GM2A: variants seen among roughly 807,000 people sequenced by gnomAD.
GM2A encodes GM2 ganglioside activator.
A neutral mutation model predicts 12.9 loss-of-function variants in GM2A; 7 were observed. The ratio of observed to expected loss-of-function variants is 0.54; its 90% CI spans 0.31 to 1.02. The LOEUF is 1.02. Ranked by LOEUF, GM2A falls within the 50% of genes least tolerant of loss-of-function variation. GM2A has a pLI of 0.05. For missense variants in GM2A, 246 were observed against 241.0 expected, an observed-to-expected ratio of 1.02 and a Z score of -0.14; for synonymous variants, 101 against 96.0, an observed-to-expected ratio of 1.05 and a Z score of -0.30.
At chr5:151,264,980 T>C (rs763805595) in intron 2 of GM2A, among the ~76,000 whole-genome samples, 2 of 146,200 alleles carry the variant, frequency 1.4e-5, no homozygotes, top group Admixed American at 6.8e-5. Flanking sequence ...AGACTCTGTC[T>C]CAAAAAAAAA....
intron 2 of GM2A, among the ~76,000 whole-genome samples, chr5:151,263,192 A>C (rs1292665068): frequency 1.4e-5 from 2 of 144,950 alleles, no homozygotes; most frequent in Non-Finnish European, 3.0e-5. Flanking sequence ...TCCCGGTTTC[A>C]AGGGATTCTC....
chr5:151,256,170 G>C (rs149686672), intron 1 of GM2A, among the ~76,000 whole-genome samples: 110 of 152,284 alleles, frequency 7.2e-4, no homozygotes, highest in Non-Finnish European at 5.4e-4. Flanking sequence ...CTAGCCCCAT[G>C]CTAGTCATAT....
chr5:151,265,027 AG>A (rs1753859493), intron 2 of GM2A, among the ~76,000 whole-genome samples: 1 of 152,006 alleles, frequency 6.6e-6, no homozygotes, highest in Admixed American at 6.6e-5. Context: ...AGAGAGATTA[AG>A]TAACTCACCC....
chr5:151,264,521 A>G (rs1197436301), intron 2 of GM2A, among the ~76,000 whole-genome samples: 1 of 152,174 alleles, frequency 6.6e-6, no homozygotes, highest in African/African-American at 2.4e-5. Flanking sequence ...AAACATTTTC[A>G]TTAGGGTATT....
chr5:151,256,724 A>G (rs760295209), intron 1 of GM2A, among the ~76,000 whole-genome samples: 1 of 152,160 alleles, frequency 6.6e-6, no homozygotes, highest in Non-Finnish European at 1.5e-5. Context: ...AGAAACCAAC[A>G]TTAGTACATT....
At chr5:151,264,109 G>A (rs183313555) in intron 2 of GM2A, among the ~76,000 whole-genome samples, 1 of 152,198 alleles carries the variant, frequency 6.6e-6, no homozygotes, top group African/African-American at 2.4e-5. Context: ...ACTGTAAATT[G>A]TCACTGTATT....
Position 151,266,890 on chromosome 5 carries a change from C to A in GM2A, c.403C>A (p.Pro135Thr). ...AGAGCCCCTGCGTACCTATGGGCTTCCTTGCCACTGTCCCTTCAAAGAAGT... is the reference window on the plus strand; with the variant it reads ...AGAGCCCCTGCGTACCTATGGGCTTACTTGCCACTGTCCCTTCAAAGAAGT... ...CPEPLRTYGLPCHCPFKEGTY... is the reference protein window; with the variant it reads ...CPEPLRTYGLTCHCPFKEGTY... Residue 135 changes from proline to threonine, a missense_variant, in exon 3 of 4, where the codon CCT becomes ACT. Pro to Thr is a conservative substitution (Grantham distance 38). Coordinates refer to ENST00000357164, the MANE Select transcript of GM2A (RefSeq NM_000405.5). 1 of 1,613,574 alleles carries A rather than the reference C, an allele frequency of 6.2e-7. No homozygotes were observed. The highest frequency in any genetic ancestry group is 8.5e-7 in the Non-Finnish European group (1 of 1,179,546).
chr5:151,268,015 G>A lies in GM2A; in HGVS notation c.*564G>A, dbSNP rs1753928073. ...GCAGTGTATCCTGGAGAGGTAGGGTGTGTGGGGGAGGAATCCCTTGGGGGA... is the reference window on the plus strand; with the variant it reads ...GCAGTGTATCCTGGAGAGGTAGGGTATGTGGGGGAGGAATCCCTTGGGGGA... On this transcript the variant is annotated 3_prime_UTR_variant, in exon 4 of 4. Transcript: ENST00000357164. 9.5e-7 allele frequency: 1 copy of A among 1,055,004 alleles called. No individual in the cohort carries two copies. Among genetic ancestry groups the A allele is most frequent in the Non-Finnish European group, 1.1e-6 (1 of 872,408 alleles). 65.4% of individuals were successfully genotyped at this position (1,055,004 alleles called of 1,614,324 possible).
At position 151,267,314 on chromosome 5, in the gene GM2A, A is replaced by C. The variant is rs1267776933; in HGVS notation, c.445A>C (p.Lys149Gln). 4 of 1,614,030 alleles carry C rather than the reference A, an allele frequency of 2.5e-6. No individual in the cohort carries two copies. In the Admixed American group the frequency reaches 6.7e-5, roughly 27 times the overall value. ...PFKEGTYSLP[K>Q]SEFVVPDLEL... is the part of the protein sequence containing the mutation. ...CCCGCAGGGAACCTACTCACTGCCCAAGAGCGAATTCGTTGTGCCTGACCT... is the reference window on the plus strand; with the variant it reads ...CCCGCAGGGAACCTACTCACTGCCCCAGAGCGAATTCGTTGTGCCTGACCT... Residue 149 changes from lysine (K) to glutamine (Q), a missense_variant, in exon 4 of 4, where the codon AAG (lysine) becomes CAG (glutamine). Lys to Gln is a moderately conservative substitution (Grantham distance 53). Coordinates refer to ENST00000357164, the MANE Select transcript of GM2A (RefSeq NM_000405.5).
chr5:151,266,720 T>C lies in GM2A; in HGVS notation c.244-11T>C. 6.2e-7 allele frequency: 1 copy of C among 1,610,950 alleles called. No homozygotes were observed. Among genetic ancestry groups the C allele is most frequent in the Non-Finnish European group, 8.5e-7 (1 of 1,177,310 alleles). On this transcript the variant is annotated splice_polypyrimidine_tract_variant and intron_variant, in intron 2 of 3. Coordinates refer to ENST00000357164, the MANE Select transcript of GM2A (RefSeq NM_000405.5). ...CCTTTTTCAAACCTTTGTTTTATTTTTTTTTACCAGGTGGATTTAGTTTTG... is the reference window on the plus strand; with the variant it reads ...CCTTTTTCAAACCTTTGTTTTATTTCTTTTTACCAGGTGGATTTAGTTTTG...
chr5:151,253,430 A>G, intron 1 of GM2A, 133 bp downstream of exon 1: 7 of 715,612 alleles, frequency 9.8e-6, no homozygotes, highest in Non-Finnish European at 1.8e-5. Flanking sequence ...CTTCCAAAGT[A>G]ACTAATTATG....
In GM2A at chr5:151,268,175, G is replaced by A. The variant is rs112641014; in HGVS notation, c.*724G>A. ...TCGATTTTTCGCTTTTTTTTTTTTT[G>A]AGACAGAATCTCACTTTGTCACCAG... On this transcript the variant is annotated 3_prime_UTR_variant, in exon 4 of 4. Coordinates refer to ENST00000357164, the MANE Select transcript of GM2A (RefSeq NM_000405.5). The A allele has an allele frequency of 1.8e-6, 1 of 549,388 alleles. No homozygotes were observed. Among genetic ancestry groups the A allele is most frequent in the Non-Finnish European group, 2.2e-6 (1 of 462,336 alleles). The allele number at this position is 549,388 out of a possible 1,614,324, so 34.0% of individuals were successfully genotyped here. A position where few individuals can be genotyped will look rare whatever the true frequency, so the allele number is the denominator to read the frequency against.
chr5:151,253,357 G>A (rs1046381987), intron 1 of GM2A, 60 bp downstream of exon 1: 5 of 1,283,412 alleles, frequency 3.9e-6, no homozygotes, highest in African/African-American at 1.5e-5. Flanking sequence ...ACGGGTGTGC[G>A]GGTCTGGCTG....
Position 151,268,798 on chromosome 5 carries a change from G to A in GM2A, c.*1347G>A. ...ATTTTTTTAAAAAGCTGTGCAGTGTGATGTGTCCCAAACGGACTGGCTCAT... is the reference window on the plus strand; with the variant it reads ...ATTTTTTTAAAAAGCTGTGCAGTGTAATGTGTCCCAAACGGACTGGCTCAT... On this transcript the variant is annotated 3_prime_UTR_variant, in exon 4 of 4. Coordinates refer to ENST00000357164, the MANE Select transcript of GM2A (RefSeq NM_000405.5). The A allele has an allele frequency of 1.2e-6, 1 of 805,656 alleles. No individual in the cohort carries two copies. The highest frequency in any genetic ancestry group is 1.5e-6 in the Non-Finnish European group (1 of 666,084). 49.9% of individuals were successfully genotyped at this position (805,656 alleles called of 1,614,324 possible).
rs1370396980 is a variant in GM2A, at chr5:151,268,689, A to AG, written c.*1238_*1239insG. 3.4e-6 allele frequency: 2 copies of AG among 590,044 alleles called. No homozygotes were observed. Among genetic ancestry groups the AG allele is most frequent in the Non-Finnish European group, 4.3e-6 (2 of 469,492 alleles). The allele number at this position is 590,044 out of a possible 1,614,324, so 36.6% of individuals were successfully genotyped here. Reference sequence around the variant, plus strand: ...AGAGTGAGACTCTGTCTCAAAAAAAAAGTTTCAATGTTTACTCCTAGAGAA... The same window carrying AG: ...AGAGTGAGACTCTGTCTCAAAAAAAAGAGTTTCAATGTTTACTCCTAGAGAA... On this transcript the variant is annotated 3_prime_UTR_variant, in exon 4 of 4. Coordinates refer to ENST00000357164, the MANE Select transcript of GM2A (RefSeq NM_000405.5).
Position 151,268,413 on chromosome 5 carries a change from A to C in GM2A, c.*962A>C. On this transcript the variant is annotated 3_prime_UTR_variant, in exon 4 of 4. Coordinates refer to ENST00000357164, the MANE Select transcript of GM2A (RefSeq NM_000405.5). ...CGTGATCTGTCCACCTTGGCCTTGC[A>C]AAGCGCTGGATTACAGGCATGAGCC... The C allele has an allele frequency of 1.0e-6, 1 of 958,340 alleles. No individual in the cohort carries two copies. The highest frequency in any genetic ancestry group is 1.2e-4 in the East Asian group (1 of 8,684). 59.4% of individuals were successfully genotyped at this position (958,340 alleles called of 1,614,324 possible).
In GM2A at chr5:151,264,751, G is replaced by A. The variant is rs562514175; in HGVS notation, c.244-1980G>A. 2.4e-4 allele frequency among the ~76,000 whole-genome samples: 37 copies of A among 152,216 alleles called. No individual in the cohort carries two copies. In the Middle Eastern group the frequency reaches 0.017, roughly 70 times the overall value. On this transcript the variant is annotated intron_variant, in intron 2 of 3. Coordinates refer to ENST00000357164, the MANE Select transcript of GM2A (RefSeq NM_000405.5). Reference sequence around the variant, plus strand: ...TCCCAGGACCTTGGGAGGCCGAGGCGGGTGGATCATTTGAAGTCAGGAGTT... The same window carrying A: ...TCCCAGGACCTTGGGAGGCCGAGGCAGGTGGATCATTTGAAGTCAGGAGTT...
rs576574973 is a variant in GM2A, at chr5:151,268,519, A to G, written c.*1068A>G. 1.4e-5 allele frequency: 14 copies of G among 985,384 alleles called. No individual in the cohort carries two copies. Among genetic ancestry groups the G allele is most frequent in the Middle Eastern group, 1.0e-3 (2 of 1,914 alleles). The allele number at this position is 985,384 out of a possible 1,614,324, so 61.0% of individuals were successfully genotyped here. A position where few individuals can be genotyped will look rare whatever the true frequency, so the allele number is the denominator to read the frequency against. On this transcript the variant is annotated 3_prime_UTR_variant, in exon 4 of 4. Transcript: ENST00000357164. ...TTTCTTACACAGAAAGTCACAGCAC[A>G]TGTGCCCATTGATACAAGGCTGCTG... is the stretch of plus-strand genomic sequence containing the variant.
Position 151,268,160 on chromosome 5 carries a change from G to C in GM2A, c.*709G>C. 1.7e-5 allele frequency: 15 copies of C among 883,938 alleles called. No individual in the cohort carries two copies. Among genetic ancestry groups the C allele is most frequent in the Non-Finnish European group, 1.9e-5 (15 of 783,120 alleles). 54.8% of individuals were successfully genotyped at this position (883,938 alleles called of 1,614,324 possible). On this transcript the variant is annotated 3_prime_UTR_variant, in exon 4 of 4. Coordinates refer to ENST00000357164, the MANE Select transcript of GM2A (RefSeq NM_000405.5). ...CTTCCAGGCTTGATTTCGATTTTTCGCTTTTTTTTTTTTTGAGACAGAATC... is the reference window on the plus strand; with the variant it reads ...CTTCCAGGCTTGATTTCGATTTTTCCCTTTTTTTTTTTTTGAGACAGAATC...
Sources: allele counts gnomAD v4.1 joint callset (sites outside exome capture counted in the v4.1 genomes callset), GRCh38; gene constraint gnomAD v4.1.1; transcripts MANE v1.5; gene names NCBI Gene and HGNC (gene_info 2026-07-23, HGNC 2026-07-21).